DENND5A: variants seen among roughly 807,000 people sequenced by gnomAD.
DENND5A encodes the protein DENN domain containing 5A.
Under a neutral mutation model 140.3 loss-of-function variants are expected in DENND5A, and 64 were observed. The observed-to-expected ratio is 0.46, with a 90% CI of 0.37 to 0.56. The LOEUF (loss-of-function observed/expected upper bound fraction) is 0.56, where lower values mean the gene tolerates loss of function less well. DENND5A is among the 20% of genes least tolerant of loss of function. The pLI, the probability that DENND5A is intolerant of heterozygous loss-of-function variation, is 0.00. For missense variants in DENND5A, 1,292 were observed against 1,593.8 expected, an observed-to-expected ratio of 0.81 and a Z score of 3.22; for synonymous variants, 605 against 607.7, an observed-to-expected ratio of 1.00 and a Z score of 0.07.
chr11:9,153,008 AAAC>A (rs1340546974), intron 12 of DENND5A, among the ~76,000 whole-genome samples: 2 of 148,570 alleles, frequency 1.3e-5, no homozygotes, highest in African/African-American at 5.0e-5. Flanking sequence ...AAAAAAAAAA[AAAC>A]AAAAAAGAAA....
At chr11:9,185,661 G>C (rs1848886093) in intron 5 of DENND5A, among the ~76,000 whole-genome samples, 1 of 152,140 alleles carries the variant, frequency 6.6e-6, no homozygotes, top group Non-Finnish European at 1.5e-5. Flanking sequence ...ATGTATCCCA[G>C]AACTTAAGAT....
Position 9,193,671 on chromosome 11 carries a change from T to G in DENND5A, c.960A>C (p.Arg320Ser), listed in dbSNP as rs761935304. 64 of 1,606,474 alleles carry G rather than the reference T, an allele frequency of 4.0e-5. No individual in the cohort carries two copies. In the East Asian group the frequency reaches 1.4e-3, roughly 35 times the overall value. ...TAATCGTCTCCGCCACAGTCATCAG[T>G]CTCTGGTAATCTGGGTCAACAACAA... ...QILLYSQHYQ[R>S]LMTVAETITA... Residue 320 changes from arginine (R) to serine (S), a missense_variant, in exon 5 of 23, where the codon AGA becomes AGC. Around this residue, in one of 4 missense-constraint regions of DENND5A, gnomAD observed 566 missense variants for 650.4 expected, o/e 0.87. Transcript: ENST00000328194.
At chr11:9,163,711 C>A (rs765251629) in intron 11 of DENND5A, among the ~76,000 whole-genome samples, 2 of 150,012 alleles carry the variant, frequency 1.3e-5, no homozygotes, top group Non-Finnish European at 1.5e-5. Flanking sequence ...GGCTAAGGCA[C>A]GAGAATTGCT....
intron 12 of DENND5A, among the ~76,000 whole-genome samples, chr11:9,153,236 G>A (rs1454306843): frequency 3.5e-5 from 3 of 84,816 alleles, no homozygotes; most frequent in African/African-American, 1.2e-4. Context: ...AGGATCACTC[G>A]AACCGAACCT....
chr11:9,206,601 CA>C (rs969477044), intron 3 of DENND5A, 71 bp downstream of exon 3: 32 of 1,113,496 alleles, frequency 2.9e-5, no homozygotes, highest in Non-Finnish European at 4.1e-5. Flanking sequence ...ACTGCTACCA[CA>C]GCCTGAACTC....
chr11:9,248,800 A>G (rs1590335910), intron 1 of DENND5A, among the ~76,000 whole-genome samples: 1 of 152,148 alleles, frequency 6.6e-6, no homozygotes, highest in African/African-American at 2.4e-5. Context: ...TAAAATATTT[A>G]GTTTTCTTCA....
At chr11:9,245,777 G>A (rs1444803240) in intron 1 of DENND5A, among the ~76,000 whole-genome samples, 2 of 151,954 alleles carry the variant, frequency 1.3e-5, no homozygotes, top group South Asian at 2.1e-4. Context: ...GGGACTACAG[G>A]CGTGGACCAC....
chr11:9,176,730 G>GT (rs1848556384), intron 8 of DENND5A: 1 of 334,188 alleles, frequency 3.0e-6, no homozygotes, highest in Non-Finnish European at 5.9e-6. Context: ...AGAAGGAAAT[G>GT]TATCTGCTAG....
chr11:9,234,265 TAAGA>T (rs1014664679), intron 1 of DENND5A, among the ~76,000 whole-genome samples: 7 of 151,370 alleles, frequency 4.6e-5, no homozygotes, highest in Non-Finnish European at 8.8e-5. Context: ...CCAGCTTTCC[TAAGA>T]AAGAGAGATT....
At chr11:9,182,530 C>T (rs952151557) in intron 5 of DENND5A, among the ~76,000 whole-genome samples, 3 of 152,122 alleles carry the variant, frequency 2.0e-5, no homozygotes, top group East Asian at 1.9e-4. Context: ...CGGTCTTGTA[C>T]ATTTAATTTA....
At chr11:9,256,416 C>T (rs7115283) in intron 1 of DENND5A, among the ~76,000 whole-genome samples, 2 of 151,694 alleles carry the variant, frequency 1.3e-5, no homozygotes, top group African/African-American at 2.4e-5. Flanking sequence ...GCCGAGATTG[C>T]GCCATTGCAC....
chr11:9,211,336 C>T (rs1228815974), intron 1 of DENND5A, among the ~76,000 whole-genome samples: 1 of 151,886 alleles, frequency 6.6e-6, no homozygotes, highest in African/African-American at 2.4e-5. Context: ...TGGAGAAGAC[C>T]CCAAGCAGCC....
chr11:9,226,449 C>A (rs894272039), intron 1 of DENND5A, among the ~76,000 whole-genome samples: 1 of 151,982 alleles, frequency 6.6e-6, no homozygotes, highest in African/African-American at 2.4e-5. Flanking sequence ...TATAATTTAC[C>A]TTGACAATGG....
chr11:9,240,805 G>C (rs1003405541), intron 1 of DENND5A, among the ~76,000 whole-genome samples: 3 of 152,106 alleles, frequency 2.0e-5, no homozygotes, highest in Non-Finnish European at 4.4e-5. Flanking sequence ...GACCCTGATA[G>C]GGGTTATAGG....
At chr11:9,143,562 G>A in intron 19 of DENND5A, 77 bp from the exon 20 acceptor site, 1 of 1,221,568 alleles carries the variant, frequency 8.2e-7, no homozygotes, top group South Asian at 1.2e-5. Context: ...GGAGACTGAG[G>A]ACACGGGGAG....
intron 1 of DENND5A, among the ~76,000 whole-genome samples, chr11:9,246,839 G>A (rs1156395821): frequency 6.6e-6 from 1 of 152,030 alleles, no homozygotes; most frequent in African/African-American, 2.4e-5. Flanking sequence ...TCAAGACAGC[G>A]CTTCCTTTTA....
At chr11:9,184,939 C>A (rs999882209) in intron 5 of DENND5A, among the ~76,000 whole-genome samples, 15 of 152,296 alleles carry the variant, frequency 9.8e-5, no homozygotes, top group Admixed American at 2.0e-4. Context: ...CGCCTGTAAT[C>A]CCAGCACTTT....
At chr11:9,161,300 A>G (rs911241379) in intron 11 of DENND5A, among the ~76,000 whole-genome samples, 7 of 152,178 alleles carry the variant, frequency 4.6e-5, no homozygotes, top group Non-Finnish European at 8.8e-5. Flanking sequence ...GCAAGCTGAG[A>G]TCGCGCCACT....
intron 7 of DENND5A, 147 bp downstream of exon 7, chr11:9,178,711 T>G: frequency 1.5e-6 from 1 of 684,246 alleles, no homozygotes; most frequent in South Asian, 1.9e-5. Context: ...CAACAAGACC[T>G]ATTTTATCAA....
Sources: gnomAD v4.1 joint callset for allele counts (sites outside exome capture counted in the v4.1 genomes callset) on GRCh38, gnomAD v4.1.1 for gene constraint, gnomAD v4.1.1 regional missense constraint, MANE v1.5 for transcripts, NCBI Gene and HGNC (gene_info 2026-07-23, HGNC 2026-07-21) for gene names.